Variants in MIB1 observed in about 807,000 individuals in gnomAD.
The protein encoded by MIB1 is MIB E3 ubiquitin protein ligase 1.
In MIB1, 278 loss-of-function variants were observed where a neutral mutation model predicts 124.5. That is an observed-to-expected ratio of 2.23 (90% CI 2.02 to 2.47). MIB1 has a LOEUF of 2.47. Among genes scored for constraint, MIB1 ranks in the 30% most tolerant of loss-of-function variants. The pLI, the probability that MIB1 is intolerant of heterozygous loss-of-function variation, is 0.00. For missense variants in MIB1, 957 were observed against 1,254.4 expected (o/e 0.76, Z 3.58); for synonymous variants, 446 against 429.4 (o/e 1.04, Z -0.48).
chr18:21,736,631 T>C (rs938714319), upstream of MIB1, among the ~76,000 whole-genome samples: 2 of 152,136 alleles, frequency 1.3e-5, no homozygotes, highest in African/African-American at 4.8e-5. Context: ...AAAGGTTAGA[T>C]GAATTGCTAA....
In MIB1 at chr18:21,868,971, G is replaced by A. The variant is rs2042338824; in HGVS notation, c.*4305G>A. The A allele has an allele frequency of 6.6e-6, 1 of 152,336 alleles. No homozygotes were observed. The highest frequency in any genetic ancestry group is 2.4e-5 in the African/African-American group (1 of 41,400). The allele number at this position is 152,336 out of a possible 1,614,324, so 9.4% of individuals were successfully genotyped here. A position where few individuals can be genotyped will look rare whatever the true frequency, so the allele number is the denominator to read the frequency against. ...ATTAAAATTGTAAATTGCTACATTG[G>A]CATTTTCTACCTCCTTTTCTGTCAG... On this transcript the variant is annotated 3_prime_UTR_variant, in exon 21 of 21. Coordinates refer to ENST00000261537, the MANE Select transcript of MIB1 (RefSeq NM_020774.4).
intron 1 of MIB1, among the ~76,000 whole-genome samples, chr18:21,717,247 AGATG>A (rs1279495101): frequency 1.3e-5 from 2 of 152,246 alleles, no homozygotes; most frequent in Admixed American, 6.5e-5. Context: ...AATCTACTCA[AGATG>A]GATTAAGGAC....
intron 1 of MIB1, among the ~76,000 whole-genome samples, chr18:21,729,981 G>T (rs11083310): frequency 8.3e-4 from 126 of 152,080 alleles, no homozygotes; most frequent in Non-Finnish European, 1.6e-3. Context: ...TGTGACTAAG[G>T]TATCTTGATA....
chr18:21,800,603 G>A (rs911815932), intron 9 of MIB1, among the ~76,000 whole-genome samples: 2 of 152,168 alleles, frequency 1.3e-5, no homozygotes, highest in East Asian at 3.9e-4. Flanking sequence ...CCAGTATTAC[G>A]TTCGGTGTCA....
rs1054429507 is a variant in MIB1 at position 21,864,496 on chromosome 18, A to G, written c.2881-30A>G. ...GTCACTTTCCAAATATAAAGTGTCT[A>G]ATTTATTACTTTGTTATCTCACATT... On this transcript the variant is annotated intron_variant, in intron 20 of 20. Coordinates refer to ENST00000261537, the MANE Select transcript of MIB1 (RefSeq NM_020774.4). 6.4e-6 allele frequency: 10 copies of G among 1,560,698 alleles called. No homozygotes were observed. The African/African-American group carries it at 9.5e-5, about 15-fold the overall frequency.
chr18:21,711,526 G>A lies in MIB1; in HGVS notation n.167+6403G>A, dbSNP rs370064670. On this transcript the variant is annotated intron_variant and non_coding_transcript_variant, in intron 1 of 20. Transcript: ENST00000578646. ...TTGAACTCCTGACCTCAAATCATGC[G>A]CCCACCTCGACCTCCCAAAGTGCTG... Among the ~76,000 whole-genome samples, 92 of 150,744 alleles carry A rather than the reference G, an allele frequency of 6.1e-4. No individual in the cohort carries two copies. The East Asian group carries it at 0.015, about 25-fold the overall frequency.
rs1357395792 is a variant in MIB1 at position 21,869,204 on chromosome 18, T to G, written c.*4538T>G. On this transcript the variant is annotated 3_prime_UTR_variant, in exon 21 of 21. Transcript: ENST00000261537. ...CTAAGAAAGGTCATATGCTGAATAT[T>G]TTACTTTTCCTGTATAGTCTGCATG... is the stretch of plus-strand genomic sequence containing the variant. 1 of 152,456 alleles carries G rather than the reference T, an allele frequency of 6.6e-6. No homozygotes were observed. The highest frequency in any genetic ancestry group is 1.5e-5 in the Non-Finnish European group (1 of 67,882). 9.4% of individuals were successfully genotyped at this position (152,456 alleles called of 1,614,324 possible).
intron 1 of MIB1, among the ~76,000 whole-genome samples, chr18:21,705,564 G>A (rs2040617475): frequency 6.6e-6 from 1 of 151,970 alleles, no homozygotes; most frequent in African/African-American, 2.4e-5. Flanking sequence ...GAATTTAATA[G>A]CCTATTCCTA....
At chr18:21,721,280 A>T (rs2040714912) in intron 1 of MIB1, among the ~76,000 whole-genome samples, 1 of 139,580 alleles carries the variant, frequency 7.2e-6, no homozygotes, top group South Asian at 2.2e-4. Context: ...TCCCAGATTC[A>T]AGTGATTCTC....
chr18:21,808,205 CTAGT>C (rs2041730178), intron 10 of MIB1, among the ~76,000 whole-genome samples: 1 of 152,136 alleles, frequency 6.6e-6, no homozygotes, highest in African/African-American at 2.4e-5. Context: ...ATTTTGTTCT[CTAGT>C]TATCTCATTT....
intron 12 of MIB1, among the ~76,000 whole-genome samples, chr18:21,836,194 C>T (rs1405205936): frequency 3.3e-5 from 5 of 151,576 alleles, no homozygotes; most frequent in African/African-American, 9.7e-5. Context: ...GTTGAAACTG[C>T]AGTGAACTCT....
At chr18:21,823,772 AATCTT>A (rs2146483641) in intron 12 of MIB1, among the ~76,000 whole-genome samples, 1 of 152,240 alleles carries the variant, frequency 6.6e-6, no homozygotes, top group East Asian at 1.9e-4. Flanking sequence ...TTTTTTGAGA[AATCTT>A]AACTAAGAAC....
chr18:21,804,221 T>C (rs1360045356), intron 10 of MIB1, among the ~76,000 whole-genome samples: 1 of 152,222 alleles, frequency 6.6e-6, no homozygotes, highest in Non-Finnish European at 1.5e-5. Flanking sequence ...TAGGTAAAGA[T>C]AGGAGTTGAG....
chr18:21,811,962 A>G (rs1468455499), intron 10 of MIB1, among the ~76,000 whole-genome samples: 3 of 152,196 alleles, frequency 2.0e-5, no homozygotes, highest in Non-Finnish European at 4.4e-5. Flanking sequence ...TTTTATTCTT[A>G]CTAGTTAATA....
intron 8 of MIB1, among the ~76,000 whole-genome samples, chr18:21,799,378 AAACT>A (rs2041624115): frequency 6.6e-6 from 1 of 152,044 alleles, no homozygotes; most frequent in Non-Finnish European, 1.5e-5. Context: ...GTTTGACCCT[AAACT>A]ATGTCCCCAG....
At chr18:21,860,004 T>C (rs2042261820) in intron 20 of MIB1, among the ~76,000 whole-genome samples, 1 of 145,170 alleles carries the variant, frequency 6.9e-6, no homozygotes, top group African/African-American at 2.6e-5. Flanking sequence ...GGGGGATACA[T>C]GGAAAGGATT....
At chr18:21,732,456 G>T (rs1241842739) in intron 1 of MIB1, among the ~76,000 whole-genome samples, 2 of 151,662 alleles carry the variant, frequency 1.3e-5, no homozygotes. Flanking sequence ...GAGTGCAGTA[G>T]CATGATCTAG....
rs1185273135 is a variant in MIB1, at chr18:21,741,054, GA to G, written c.-529del. Among the ~76,000 whole-genome samples the G allele has an allele frequency of 6.6e-6, 1 of 151,860 alleles. No homozygotes were observed. Among genetic ancestry groups the G allele is most frequent in the African/African-American group, 2.4e-5 (1 of 41,358 alleles). ...GGCCTGAGGGCCCGGGCGCTCGCCGGACGCCGGGAGGTACCACCGCTGCCCA... is the reference window on the plus strand; with the variant it reads ...GGCCTGAGGGCCCGGGCGCTCGCCGGCGCCGGGAGGTACCACCGCTGCCCA... On this transcript the variant is annotated 5_prime_UTR_variant, in exon 1 of 21. An upstream open reading frame in the 5' UTR gains an earlier in-frame stop. Transcript: ENST00000261537. This position sits in a 1 kb window ranked among gnomAD's most constrained non-coding sequence, Gnocchi z 5.4.
intron 13 of MIB1, among the ~76,000 whole-genome samples, chr18:21,839,990 G>A (rs1339262818): frequency 1.3e-5 from 2 of 152,176 alleles, no homozygotes; most frequent in Non-Finnish European, 2.9e-5. Context: ...AGCAGTTTGA[G>A]TTACAGTGAG....
Sources: allele counts gnomAD v4.1 joint callset (sites outside exome capture counted in the v4.1 genomes callset), GRCh38; gene constraint gnomAD v4.1.1; non-coding constraint Gnocchi (gnomAD v3.1); transcripts MANE v1.5; gene names NCBI Gene and HGNC (gene_info 2026-07-23, HGNC 2026-07-21).